The following PTPRR variants were observed in gnomAD, a reference collection of about 807,000 sequenced individuals.
The protein encoded by PTPRR is receptor-type tyrosine-protein phosphatase R.
Under a neutral mutation model 77.2 loss-of-function variants are expected in PTPRR, and 38 were observed. The observed-to-expected ratio is 0.49, with a 90% confidence interval of 0.38 to 0.65. The LOEUF (loss-of-function observed/expected upper bound fraction) is 0.65, where lower values mean the gene tolerates loss of function less well. Among genes scored for constraint, PTPRR ranks in the 30% least tolerant of loss-of-function variants. The probability of loss-of-function intolerance (pLI) is 0.00; values close to 1 mark genes in which losing one functional copy is unlikely to be tolerated. For synonymous variants in PTPRR, 299 were observed against 283.1 expected (o/e 1.06, Z -0.57); for missense variants, 744 against 799.2 (o/e 0.93, Z 0.83).
intron 2 of PTPRR, among the ~76,000 whole-genome samples, chr12:70,886,696 T>A (rs1893245622): frequency 6.6e-6 from 1 of 152,194 alleles, no homozygotes; most frequent in Non-Finnish European, 1.5e-5. Context: ...AATGGGTAAT[T>A]AAGTGTTAAA....
chr12:70,785,450 A>G (rs1015425151), intron 2 of PTPRR, among the ~76,000 whole-genome samples: 1 of 152,176 alleles, frequency 6.6e-6, no homozygotes, highest in Non-Finnish European at 1.5e-5. Context: ...AAATTTAGAA[A>G]TTACATGAAG....
intron 2 of PTPRR, among the ~76,000 whole-genome samples, chr12:70,784,218 G>T (rs1393614706): frequency 6.6e-6 from 1 of 152,198 alleles, no homozygotes; most frequent in East Asian, 1.9e-4. Flanking sequence ...AGAGCACAGG[G>T]GTACCCAGGT....
intron 2 of PTPRR, among the ~76,000 whole-genome samples, chr12:70,799,927 TA>T (rs1161568890): frequency 6.6e-6 from 1 of 152,076 alleles, no homozygotes; most frequent in Admixed American, 6.6e-5. Flanking sequence ...ATATTAATCA[TA>T]TTATAACGGT....
chr12:70,800,759 G>T (rs766586005), intron 2 of PTPRR, among the ~76,000 whole-genome samples: 14 of 152,074 alleles, frequency 9.2e-5, no homozygotes, highest in Non-Finnish European at 1.9e-4. Flanking sequence ...GCTGGGTGTG[G>T]TGACACGTGC....
intron 6 of PTPRR, among the ~76,000 whole-genome samples, chr12:70,734,025 A>G (rs576422553): frequency 2.0e-5 from 3 of 152,340 alleles, no homozygotes; most frequent in African/African-American, 7.2e-5. Context: ...CTCTGGCTGC[A>G]AGGAAAAACC....
In PTPRR at chr12:70,741,933, G is replaced by A. The variant is rs548940615; in HGVS notation, c.1007+3885C>T. ...CAGGTTTTCCTATGCCTCCATTTGGGGTAGAATAGTGAGATGATTCTTGGG... is the reference window on the plus strand; with the variant it reads ...CAGGTTTTCCTATGCCTCCATTTGGAGTAGAATAGTGAGATGATTCTTGGG... On this transcript the variant is annotated intron_variant, in intron 6 of 13. Coordinates refer to ENST00000283228, the MANE Select transcript of PTPRR (RefSeq NM_002849.4). 2.4e-4 allele frequency among the ~76,000 whole-genome samples: 37 copies of A among 152,228 alleles called. No homozygotes were observed. In the South Asian group the frequency reaches 7.5e-3, roughly 31 times the overall value.
At chr12:70,823,409 G>GAAAGTAGAGCAAGTGATTAGAAGTA (rs1225025999) in intron 2 of PTPRR, among the ~76,000 whole-genome samples, 1 of 152,168 alleles carries the variant, frequency 6.6e-6, no homozygotes, top group African/African-American at 2.4e-5. Flanking sequence ...GTATCTCATG[G>GAAAGTAGAGCAAGTGATTAGAAGTA]AAAGTAGAGC....
At chr12:70,808,311 T>C (rs1891747725) in intron 2 of PTPRR, among the ~76,000 whole-genome samples, 1 of 152,152 alleles carries the variant, frequency 6.6e-6, no homozygotes, top group African/African-American at 2.4e-5. Context: ...TGATTCTAGT[T>C]GCCCTGAACT....
At chr12:70,720,671 A>G (rs1485457101) in intron 6 of PTPRR, among the ~76,000 whole-genome samples, 2 of 151,948 alleles carry the variant, frequency 1.3e-5, no homozygotes, top group African/African-American at 4.8e-5. Flanking sequence ...TTTAGTAGAG[A>G]CAGGGTTTCT....
At chr12:70,759,227 C>T (rs994729470) in intron 4 of PTPRR, among the ~76,000 whole-genome samples, 88 of 152,258 alleles carry the variant, frequency 5.8e-4, no homozygotes, top group Non-Finnish European at 1.8e-4. Flanking sequence ...TGAGCCAACG[C>T]GCCCAGCATG....
intron 2 of PTPRR, among the ~76,000 whole-genome samples, chr12:70,813,527 C>T (rs1040782174): frequency 2.6e-5 from 4 of 152,202 alleles, no homozygotes; most frequent in African/African-American, 9.6e-5. Context: ...AGGAATTCCA[C>T]TTGCAGGTGT....
At position 70,688,099 on chromosome 12, in the gene PTPRR, T is replaced by G. The variant is rs117870729; in HGVS notation, c.1280-3316A>C. On this transcript the variant is annotated intron_variant, in intron 8 of 13. Transcript: ENST00000283228. The stretch of plus-strand genomic sequence containing the variant: ...CCATTTTCAATAAGAACCTTGTATC[T>G]TATTTTGTATTCATAATGTTGTATT... 5.3e-3 allele frequency among the ~76,000 whole-genome samples: 805 copies of G among 152,348 alleles called. 4 individuals carry two copies. Among genetic ancestry groups the G allele is most frequent in the Non-Finnish European group, 8.4e-3 (574 of 68,034 alleles).
At position 70,761,575 on chromosome 12, in the gene PTPRR, C is replaced by G; in HGVS notation, c.523G>C (p.Gly175Arg). Residue 175 changes from glycine to arginine, a missense_variant, in exon 4 of 14, where the codon GGA (glycine) becomes CGA (arginine). Coordinates refer to ENST00000283228, the MANE Select transcript of PTPRR (RefSeq NM_002849.4). ...TCAGAGGGCAGAGCATCAGAAATTC[C>G]TGTTTTTCGGTTTATGGGAGACACA... ...LFVSPINRKT[G>R]ISDALPSEEV... 3 of 1,611,850 alleles carry G rather than the reference C, an allele frequency of 1.9e-6. No homozygotes were observed. The highest frequency in any genetic ancestry group is 2.5e-6 in the Non-Finnish European group (3 of 1,178,734).
chr12:70,779,377 T>G (rs1344849880), intron 2 of PTPRR, among the ~76,000 whole-genome samples: 3 of 152,060 alleles, frequency 2.0e-5, no homozygotes, highest in Non-Finnish European at 4.4e-5. Flanking sequence ...ATGCTCATTT[T>G]TACCTTATGG....
At chr12:70,837,458 T>C (rs937879068) in intron 2 of PTPRR, among the ~76,000 whole-genome samples, 9 of 152,162 alleles carry the variant, frequency 5.9e-5, no homozygotes, top group African/African-American at 2.2e-4. Context: ...TCTTACAACA[T>C]GCTTCTGACA....
chr12:70,726,181 G>A (rs1253267757), intron 6 of PTPRR, among the ~76,000 whole-genome samples: 1 of 150,714 alleles, frequency 6.6e-6, no homozygotes, highest in South Asian at 2.1e-4. Flanking sequence ...ATATATTTTA[G>A]TCAACTTAAT....
intron 2 of PTPRR, among the ~76,000 whole-genome samples, chr12:70,843,161 C>G (rs956416671): frequency 2.0e-5 from 3 of 152,094 alleles, no homozygotes; most frequent in African/African-American, 7.2e-5. Context: ...TGGCAAAGAG[C>G]AGCCACTGAA....
At chr12:70,833,775 A>C (rs1015534974) in intron 2 of PTPRR, among the ~76,000 whole-genome samples, 50 of 152,160 alleles carry the variant, frequency 3.3e-4, no homozygotes, top group African/African-American at 1.2e-3. Context: ...TAAGTGTGAC[A>C]TCTGTAATAG....
chr12:70,737,577 G>A (rs1019006780), intron 6 of PTPRR, among the ~76,000 whole-genome samples: 27 of 151,948 alleles, frequency 1.8e-4, no homozygotes, highest in African/African-American at 6.3e-4. Flanking sequence ...CTGGAGTACA[G>A]TGGTGTGACA....
Sources: gnomAD v4.1 joint callset for allele counts (sites outside exome capture counted in the v4.1 genomes callset) on GRCh38, gnomAD v4.1.1 for gene constraint, MANE v1.5 for transcripts, NCBI Gene and HGNC (gene_info 2026-07-23, HGNC 2026-07-21) for gene names.